Variants in IFNGR2 observed in about 807,000 individuals in gnomAD.
IFNGR2 encodes the protein interferon gamma receptor 2.
In IFNGR2, 15 loss-of-function variants were observed where a neutral mutation model predicts 41.1. The observed-to-expected ratio is 0.37, with a 90% CI of 0.24 to 0.56. The LOEUF (loss-of-function observed/expected upper bound fraction) is 0.56, where lower values mean the gene tolerates loss of function less well. Ranked by LOEUF, IFNGR2 falls within the 20% of genes least tolerant of loss-of-function variation. The probability of loss-of-function intolerance (pLI) is 0.81; values close to 1 mark genes in which losing one functional copy is unlikely to be tolerated. For synonymous variants in IFNGR2, 161 were observed against 171.6 expected, an observed-to-expected ratio of 0.94 and a Z score of 0.48; for missense variants, 362 against 415.7, an observed-to-expected ratio of 0.87 and a Z score of 1.12.
At chr21:33,433,902 C>T (rs944072244) in intron 6 of IFNGR2, among the ~76,000 whole-genome samples, 2 of 151,864 alleles carry the variant, frequency 1.3e-5, no homozygotes, top group African/African-American at 2.4e-5. Flanking sequence ...GGAGAATGCT[C>T]CAGGGAAGTG....
Position 33,432,858 on chromosome 21 carries a change from T to C in IFNGR2, c.866T>C (p.Leu289Ser). The change falls in exon 6 of 7, where the codon TTA becomes TCA. Residue 289 changes from leucine (L) to serine (S), a missense_variant. By Grantham distance (145) the Leu-to-Ser change is moderately radical. Coordinates refer to ENST00000290219, the MANE Select transcript of IFNGR2 (RefSeq NM_005534.4). The part of the protein sequence containing the change: ...YWFHTPPSIP[L>S]QIEEYLKDPT... ...TTTCACACTCCACCAAGCATCCCAT[T>C]ACAGATAGAAGAGGTACGTGTGCAC... 1 of 1,612,880 alleles carries C rather than the reference T, an allele frequency of 6.2e-7. No homozygotes were observed.
At position 33,403,568 on chromosome 21, in the gene IFNGR2, C is replaced by A; in HGVS notation, c.25C>A (p.Leu9Met). The A allele has an allele frequency of 7.4e-7, 1 of 1,355,706 alleles. No individual in the cohort carries two copies. The highest frequency in any genetic ancestry group is 9.5e-7 in the Non-Finnish European group (1 of 1,047,788). The allele number at this position is 1,355,706 out of a possible 1,614,324, so 84.0% of individuals were successfully genotyped here. ...CATGCGACCGACGCTGCTGTGGTCGCTGCTGCTGCTGCTCGGAGTCTTCGC... is the reference window on the plus strand; with the variant it reads ...CATGCGACCGACGCTGCTGTGGTCGATGCTGCTGCTGCTCGGAGTCTTCGC... The part of the protein sequence containing the change: MRPTLLWS[L>M]LLLLGVFAAA... The change falls in exon 1 of 7, where the codon CTG becomes ATG. Residue 9 changes from leucine (L) to methionine (M), a missense_variant. Physicochemically the swap from Leu to Met is conservative, Grantham distance 15. Coordinates refer to ENST00000290219, the MANE Select transcript of IFNGR2 (RefSeq NM_005534.4).
intron 1 of IFNGR2, among the ~76,000 whole-genome samples, chr21:33,414,362 G>T (rs545742973): frequency 1.3e-5 from 2 of 152,142 alleles, no homozygotes; most frequent in African/African-American, 4.8e-5. Flanking sequence ...GTGTTTTTGC[G>T]TGTGTAGTGT....
At chr21:33,433,577 G>A (rs1022509650) in intron 6 of IFNGR2, among the ~76,000 whole-genome samples, 6 of 152,104 alleles carry the variant, frequency 3.9e-5, no homozygotes, top group African/African-American at 7.2e-5. Flanking sequence ...CATAAAGACA[G>A]GAAGTAGAAT....
At chr21:33,419,857 G>A (rs576513555) in intron 2 of IFNGR2, among the ~76,000 whole-genome samples, 22 of 152,312 alleles carry the variant, frequency 1.4e-4, no homozygotes, top group African/African-American at 4.8e-4. Flanking sequence ...CAGGGGTTTG[G>A]GGGAGCAGGC....
At chr21:33,435,371 G>A (rs759038303) in intron 6 of IFNGR2, among the ~76,000 whole-genome samples, 8 of 152,032 alleles carry the variant, frequency 5.3e-5, no homozygotes, top group Non-Finnish European at 1.0e-4. Context: ...TCACTGAAAG[G>A]TTACAATTTT....
chr21:33,408,991 A>G (rs1036674036), intron 1 of IFNGR2, among the ~76,000 whole-genome samples: 4 of 152,014 alleles, frequency 2.6e-5, no homozygotes, highest in Non-Finnish European at 5.9e-5. Context: ...AGCCTGGCCA[A>G]GATGGTGAAA....
At chr21:33,423,393 T>TG (rs1049276296) in intron 3 of IFNGR2, among the ~76,000 whole-genome samples, 2 of 150,828 alleles carry the variant, frequency 1.3e-5, no homozygotes, top group African/African-American at 2.4e-5. Context: ...AAAGTTTTTT[T>TG]TTGTTGTTGT....
intron 1 of IFNGR2, among the ~76,000 whole-genome samples, chr21:33,411,928 T>TG (rs1218905111): frequency 6.6e-6 from 1 of 152,202 alleles, no homozygotes; most frequent in African/African-American, 2.4e-5. Context: ...TTTTTAGAGA[T>TG]GGGGGGATCT....
chr21:33,429,512 G>T (rs2083867631), intron 4 of IFNGR2, among the ~76,000 whole-genome samples: 1 of 152,164 alleles, frequency 6.6e-6, no homozygotes, highest in Non-Finnish European at 1.5e-5. Flanking sequence ...TCGGCAAAGG[G>T]AAGAGGCACA....
chr21:33,421,747 C>A, intron 3 of IFNGR2, 62 bp downstream of exon 3: 1 of 1,235,750 alleles, frequency 8.1e-7, no homozygotes, highest in Non-Finnish European at 1.2e-6. Context: ...CTTGCGGTAT[C>A]GACTCCACAC....
chr21:33,403,638 G>A (rs1443058432), intron 1 of IFNGR2, 22 bp downstream of exon 1: 80 of 1,300,620 alleles, frequency 6.2e-5, no homozygotes, highest in Non-Finnish European at 7.7e-5. Context: ...CTGGGCCTCC[G>A]CGGCGGGACG....
chr21:33,410,856 T>G, intron 1 of IFNGR2: 2 of 1,548,036 alleles, frequency 1.3e-6, no homozygotes, highest in Non-Finnish European at 1.7e-6. Context: ...TTTGGAGACC[T>G]ACCAAGAATG....
intron 6 of IFNGR2, among the ~76,000 whole-genome samples, chr21:33,434,463 A>T (rs530081332): frequency 6.6e-6 from 1 of 152,324 alleles, no homozygotes; most frequent in African/African-American, 2.4e-5. Context: ...TGGAAGTTAC[A>T]GTAAGCCAAT....
intron 5 of IFNGR2, 54 bp downstream of exon 5, chr21:33,432,390 A>G: frequency 1.3e-6 from 2 of 1,527,378 alleles, no homozygotes; most frequent in Non-Finnish European, 1.8e-6. Context: ...TACTCCTCCA[A>G]TAGTGAAATC....
chr21:33,409,481 GAAAAA>G (rs1320473824), intron 1 of IFNGR2, among the ~76,000 whole-genome samples: 1 of 151,740 alleles, frequency 6.6e-6, no homozygotes, highest in Non-Finnish European at 1.5e-5. Context: ...TGTCTCAAAA[GAAAAA>G]AAGAAAAAGC....
At chr21:33,436,653 C>G (rs1396584925) in intron 6 of IFNGR2, among the ~76,000 whole-genome samples, 175 bp from the exon 7 acceptor site, 1 of 151,422 alleles carries the variant, frequency 6.6e-6, no homozygotes, top group Non-Finnish European at 1.5e-5. Flanking sequence ...ACCTGGGAAG[C>G]AGAGGTTGCA....
chr21:33,414,249 C>T (rs892160046), intron 1 of IFNGR2, among the ~76,000 whole-genome samples: 2 of 152,184 alleles, frequency 1.3e-5, no homozygotes, highest in African/African-American at 4.8e-5. Flanking sequence ...GATTGCGATG[C>T]TGGGGGTCCT....
At chr21:33,420,289 A>G (rs2083782920) in intron 2 of IFNGR2, among the ~76,000 whole-genome samples, 1 of 152,120 alleles carries the variant, frequency 6.6e-6, no homozygotes, top group Admixed American at 6.6e-5. Flanking sequence ...TTTCTGGGCC[A>G]TAGTTGCTGT....
Sources: gnomAD v4.1 joint callset for allele counts (sites outside exome capture counted in the v4.1 genomes callset) on GRCh38, gnomAD v4.1.1 for gene constraint, MANE v1.5 for transcripts, NCBI Gene and HGNC (gene_info 2026-07-23, HGNC 2026-07-21) for gene names.